PRKG1: variants seen among roughly 807,000 people sequenced by gnomAD.
The protein encoded by PRKG1 is cGMP-dependent protein kinase 1.
In PRKG1, 35 loss-of-function variants were observed where a neutral mutation model predicts 88.1. That is an observed-to-expected ratio of 0.40 (90% CI 0.30 to 0.53). The LOEUF is 0.53. Among genes scored for constraint, PRKG1 ranks in the 20% least tolerant of loss-of-function variants. The pLI, the probability that PRKG1 is intolerant of heterozygous loss-of-function variation, is 0.59. For missense variants in PRKG1, 540 were observed against 839.8 expected (o/e 0.64, Z 4.41); for synonymous variants, 303 against 292.5 (o/e 1.04, Z -0.37).
At chr10:51,501,392 G>A (rs1231062684) in intron 3 of PRKG1, among the ~76,000 whole-genome samples, 1 of 152,152 alleles carries the variant, frequency 6.6e-6, no homozygotes, top group African/African-American at 2.4e-5. Flanking sequence ...TCAGGGAGAA[G>A]AAGGTTTCTG....
intron 3 of PRKG1, among the ~76,000 whole-genome samples, chr10:51,603,826 G>A (rs1287958350): frequency 1.3e-5 from 2 of 152,184 alleles, no homozygotes; most frequent in Non-Finnish European, 2.9e-5. Flanking sequence ...GTTGAGATCA[G>A]AGAAGGCCTC....
At position 51,798,026 on chromosome 10, in the gene PRKG1, C is replaced by T. The variant is rs966438743; in HGVS notation, c.593-6559C>T. Among the ~76,000 whole-genome samples the T allele has an allele frequency of 4.6e-5, 7 of 152,016 alleles. No homozygotes were observed. The South Asian group carries it at 1.0e-3, about 22-fold the overall frequency. The stretch of plus-strand genomic sequence containing the variant: ...ACTATTTAATTGTATGTATACACCA[C>T]ATTTTGTTTACTCATTCATCCCTTG... On this transcript the variant is annotated intron_variant, in intron 3 of 17. Transcript: ENST00000373980.
At chr10:51,573,766 A>G (rs563352454) in intron 3 of PRKG1, among the ~76,000 whole-genome samples, 1 of 151,984 alleles carries the variant, frequency 6.6e-6, no homozygotes, top group African/African-American at 2.4e-5. Context: ...ACTCGGTAAA[A>G]GTCTTTCTGT....
intron 1 of PRKG1, among the ~76,000 whole-genome samples, chr10:51,121,370 AT>A (rs1454295647): frequency 6.6e-6 from 1 of 152,076 alleles, no homozygotes; most frequent in African/African-American, 2.4e-5. Flanking sequence ...TTATTATATT[AT>A]TTTTTGATAC....
chr10:51,598,471 G>T (rs1281923996), intron 3 of PRKG1, among the ~76,000 whole-genome samples: 2 of 152,128 alleles, frequency 1.3e-5, no homozygotes, highest in Non-Finnish European at 1.5e-5. Context: ...ATAGCATTTT[G>T]CCATGTTGGC....
intron 1 of PRKG1, among the ~76,000 whole-genome samples, chr10:51,019,322 A>G (rs1486983098): frequency 6.6e-6 from 1 of 152,206 alleles, no homozygotes; most frequent in Non-Finnish European, 1.5e-5. Context: ...AGAATAGATT[A>G]GGGAGGCCGG....
At chr10:51,837,437 A>G (rs1376342515) in intron 4 of PRKG1, among the ~76,000 whole-genome samples, 2 of 152,018 alleles carry the variant, frequency 1.3e-5, no homozygotes, top group Non-Finnish European at 2.9e-5. Flanking sequence ...TTCTGGTTTC[A>G]TCTCTTGCTG....
chr10:51,626,665 A>G (rs1393343242), intron 3 of PRKG1, among the ~76,000 whole-genome samples: 1 of 151,990 alleles, frequency 6.6e-6, no homozygotes, highest in East Asian at 1.9e-4. Context: ...CAATTTTAGC[A>G]TTCTTTTGTT....
rs1839885984 is a variant in PRKG1 at position 52,208,890 on chromosome 10, TTACTGGCCTA to T, written c.1077-42679_1077-42670del. 2.0e-5 allele frequency among the ~76,000 whole-genome samples: 3 copies of T among 152,352 alleles called. No homozygotes were observed. The South Asian group carries it at 6.2e-4, about 32-fold the overall frequency. On this transcript the variant is annotated intron_variant, in intron 9 of 17. Transcript: ENST00000373980. ...CTAATGAAGTTTGTCTACAGCTAAA[TTACTGGCCTA>T]CTTCAAAACACAATACTAAGACTTT...
At chr10:51,021,724 A>G (rs188905012) in intron 1 of PRKG1, among the ~76,000 whole-genome samples, 197 of 152,274 alleles carry the variant, frequency 1.3e-3, no homozygotes, top group African/African-American at 3.9e-3. Flanking sequence ...CTTGTCACCC[A>G]GGCTGGAGTG....
chr10:51,436,065 G>A (rs941299519), intron 2 of PRKG1, among the ~76,000 whole-genome samples: 7 of 151,834 alleles, frequency 4.6e-5, no homozygotes, highest in African/African-American at 1.7e-4. Flanking sequence ...CCAACTACAT[G>A]TGACTTTCAA....
At chr10:51,920,171 G>T (rs1163265426) in intron 5 of PRKG1, among the ~76,000 whole-genome samples, 2 of 152,178 alleles carry the variant, frequency 1.3e-5, no homozygotes, top group East Asian at 3.8e-4. Context: ...AACAAAGAAG[G>T]TGTGGGAAGC....
chr10:51,619,752 C>T (rs1211524322), intron 3 of PRKG1, among the ~76,000 whole-genome samples: 1 of 152,068 alleles, frequency 6.6e-6, no homozygotes, highest in African/African-American at 2.4e-5. Flanking sequence ...AGGTAATTTC[C>T]CATTTATTGT....
At chr10:51,510,643 A>T (rs1841367879) in intron 3 of PRKG1, among the ~76,000 whole-genome samples, 1 of 152,114 alleles carries the variant, frequency 6.6e-6, no homozygotes, top group Non-Finnish European at 1.5e-5. Context: ...TTCCTATATG[A>T]TTAGAGAGGT....
In PRKG1 at chr10:51,344,675, T is replaced by C. The variant is rs143750546; in HGVS notation, c.479-123048T>C. Among the ~76,000 whole-genome samples, 451 of 152,268 alleles carry C rather than the reference T, an allele frequency of 3.0e-3. 2 individuals are homozygous for C. The highest frequency in any genetic ancestry group is 0.01 in the African/African-American group (423 of 41,550). On this transcript the variant is annotated intron_variant, in intron 2 of 17. Transcript: ENST00000373980. ...GTGGGTACAAGATGTCCTTTTTTTTTCACTGTCTTATAAATGTAATATAAA... is the reference window on the plus strand; with the variant it reads ...GTGGGTACAAGATGTCCTTTTTTTTCCACTGTCTTATAAATGTAATATAAA...
intron 7 of PRKG1, among the ~76,000 whole-genome samples, chr10:52,064,696 G>A (rs1218877350): frequency 3.3e-5 from 5 of 152,164 alleles, no homozygotes; most frequent in East Asian, 1.9e-4. Flanking sequence ...GCCCACAGTC[G>A]TGGCTTAGGC....
intron 5 of PRKG1, among the ~76,000 whole-genome samples, chr10:51,957,289 T>A (rs1457771318): frequency 0.1 from 1 of 10 alleles, no homozygotes; most frequent in Non-Finnish European, 0.17. Flanking sequence ...TTTCTTTTCT[T>A]TTTTTTTTCT....
intron 1 of PRKG1, among the ~76,000 whole-genome samples, chr10:51,011,657 T>C (rs1842995482): frequency 6.6e-6 from 1 of 152,206 alleles, no homozygotes; most frequent in South Asian, 2.1e-4. Context: ...TTGGTTTGAC[T>C]CCTGTTTTAG....
chr10:51,271,081 A>G (rs375881416), intron 2 of PRKG1, among the ~76,000 whole-genome samples: 72 of 152,290 alleles, frequency 4.7e-4, no homozygotes, highest in African/African-American at 1.5e-3. Flanking sequence ...TAGCTTTAGG[A>G]TCATCCAAGA....
Sources: gnomAD v4.1 joint callset for allele counts (sites outside exome capture counted in the v4.1 genomes callset) on GRCh38, gnomAD v4.1.1 for gene constraint, MANE v1.5 for transcripts, NCBI Gene and HGNC (gene_info 2026-07-23, HGNC 2026-07-21) for gene names.